Variants in TCF4 observed in about 807,000 individuals in gnomAD.
The protein encoded by TCF4 is SL3-3 enhancer factor 2.
In TCF4, 3 loss-of-function variants were observed where a neutral mutation model predicts 82.1. The observed-to-expected ratio is 0.04, with a 90% CI of 0.02 to 0.09. TCF4 has a LOEUF of 0.09. Ranked by LOEUF, TCF4 falls within the 10% of genes least tolerant of loss-of-function variation. The pLI, the probability that TCF4 is intolerant of heterozygous loss-of-function variation, is 1.00. For missense variants in TCF4, 518 were observed against 852.7 expected (o/e 0.61, Z 4.89); for synonymous variants, 276 against 309.6 (o/e 0.89, Z 1.14).
intron 7 of TCF4, 96 bp from the exon 8 acceptor site, chr18:55,350,504 C>T: frequency 7.9e-7 from 1 of 1,271,774 alleles, no homozygotes; most frequent in East Asian, 2.4e-5. Context: ...ACCACATTTC[C>T]TTAAATCATT....
intron 3 of TCF4, among the ~76,000 whole-genome samples, chr18:55,477,583 C>T (rs2096320632): frequency 6.6e-6 from 1 of 152,192 alleles, no homozygotes; most frequent in African/African-American, 2.4e-5. Flanking sequence ...CATACTGCAA[C>T]ACCATTTCAC....
At chr18:55,549,086 A>C (rs1444924604) in intron 3 of TCF4, among the ~76,000 whole-genome samples, 2 of 152,034 alleles carry the variant, frequency 1.3e-5, no homozygotes, top group African/African-American at 2.4e-5. Flanking sequence ...GGATCACTTG[A>C]GCTCAGGAGT....
At chr18:55,388,317 T>C (rs1300599019) in intron 6 of TCF4, among the ~76,000 whole-genome samples, 2 of 152,108 alleles carry the variant, frequency 1.3e-5, no homozygotes, top group African/African-American at 2.4e-5. Flanking sequence ...CCCCTGAGCT[T>C]CAGGGCCAGA....
chr18:55,498,437 C>T (rs950907692), intron 3 of TCF4, among the ~76,000 whole-genome samples: 11 of 152,200 alleles, frequency 7.2e-5, no homozygotes, highest in African/African-American at 2.4e-4. Flanking sequence ...AGTGTCATGA[C>T]CATGGTCAGC....
chr18:55,478,676 T>C (rs1050909779), intron 3 of TCF4, among the ~76,000 whole-genome samples: 24 of 151,896 alleles, frequency 1.6e-4, no homozygotes, highest in African/African-American at 5.6e-4. Flanking sequence ...CAAAATGAAT[T>C]ATCCTTATTG....
chr18:55,328,997 T>G (rs2077053444), intron 8 of TCF4, among the ~76,000 whole-genome samples: 1 of 152,188 alleles, frequency 6.6e-6, no homozygotes, highest in African/African-American at 2.4e-5. Context: ...GACAACTTGC[T>G]AGGCAGAGAA....
At chr18:55,449,026 A>T (rs2095575768) in intron 5 of TCF4, among the ~76,000 whole-genome samples, 1 of 152,206 alleles carries the variant, frequency 6.6e-6, no homozygotes, top group African/African-American at 2.4e-5. Context: ...AAGTATGTCT[A>T]TTTAGAACTG....
chr18:55,256,570 C>T (rs150850234), intron 14 of TCF4, among the ~76,000 whole-genome samples: 1 of 152,116 alleles, frequency 6.6e-6, no homozygotes, highest in East Asian at 1.9e-4. Context: ...AACACTAAAG[C>T]AGATAGATAA....
intron 6 of TCF4, among the ~76,000 whole-genome samples, chr18:55,380,489 G>A (rs1367906366): frequency 6.6e-6 from 1 of 151,828 alleles, no homozygotes; most frequent in Non-Finnish European, 1.5e-5. Flanking sequence ...TTCATCGGAG[G>A]TCCACCCTCA....
At chr18:55,371,631 A>C (rs1401841222) in intron 6 of TCF4, among the ~76,000 whole-genome samples, 1 of 151,734 alleles carries the variant, frequency 6.6e-6, no homozygotes, top group African/African-American at 2.4e-5. Context: ...TCATGCCTAC[A>C]TTTACAGCAT....
At chr18:55,340,195 G>A (rs925094486) in intron 8 of TCF4, among the ~76,000 whole-genome samples, 1 of 152,156 alleles carries the variant, frequency 6.6e-6, no homozygotes, top group Admixed American at 6.5e-5. Flanking sequence ...TAGAGGCAAG[G>A]CTGATTTAGG....
intron 8 of TCF4, among the ~76,000 whole-genome samples, chr18:55,299,445 T>C (rs1409767493): frequency 6.6e-6 from 1 of 150,610 alleles, no homozygotes; most frequent in African/African-American, 2.4e-5. Context: ...GGGGAGCATG[T>C]TTCTGCTTTT....
chr18:55,509,232 TA>T (rs796683440), intron 3 of TCF4, among the ~76,000 whole-genome samples: 1 of 151,448 alleles, frequency 6.6e-6, no homozygotes, highest in Non-Finnish European at 1.5e-5. Context: ...AACCATTATA[TA>T]AAAAAAAACT....
At chr18:55,432,436 G>C (rs906152416) in intron 5 of TCF4, among the ~76,000 whole-genome samples, 1 of 152,118 alleles carries the variant, frequency 6.6e-6, no homozygotes, top group Non-Finnish European at 1.5e-5. Flanking sequence ...GACTTACTGT[G>C]CTTCAAATCT....
At chr18:55,366,506 T>C (rs1261547315) in intron 6 of TCF4, among the ~76,000 whole-genome samples, 2 of 152,256 alleles carry the variant, frequency 1.3e-5, no homozygotes, top group African/African-American at 4.8e-5. Flanking sequence ...CCAAGGGTTC[T>C]AAATAAGAAA....
chr18:55,576,863 A>G (rs971581848), intron 3 of TCF4, among the ~76,000 whole-genome samples: 14 of 151,828 alleles, frequency 9.2e-5, no homozygotes, highest in African/African-American at 3.4e-4. Flanking sequence ...TTTTTTTGCA[A>G]AAGTTTTTCA....
At chr18:55,286,152 G>A (rs2063626051) in intron 8 of TCF4, among the ~76,000 whole-genome samples, 1 of 152,142 alleles carries the variant, frequency 6.6e-6, no homozygotes, top group Non-Finnish European at 1.5e-5. Context: ...TAGACATGGT[G>A]TGATCACTTT....
At chr18:55,451,982 G>A (rs950649348) in intron 5 of TCF4, among the ~76,000 whole-genome samples, 7 of 152,048 alleles carry the variant, frequency 4.6e-5, no homozygotes, top group African/African-American at 1.7e-4. Flanking sequence ...CTCCAGCCTG[G>A]GTGACAGAGT....
At chr18:55,581,965 T>C (rs1040765044) in intron 3 of TCF4, among the ~76,000 whole-genome samples, 6 of 152,142 alleles carry the variant, frequency 3.9e-5, no homozygotes, top group Non-Finnish European at 7.4e-5. Context: ...GTATCTGTCA[T>C]AGACCAGCAG....
Sources: allele counts gnomAD v4.1 joint callset (sites outside exome capture counted in the v4.1 genomes callset), GRCh38; gene constraint gnomAD v4.1.1; transcripts MANE v1.5; gene names NCBI Gene and HGNC (gene_info 2026-07-23, HGNC 2026-07-21).